Variants in FNDC3A observed in about 807,000 individuals in gnomAD.
FNDC3A encodes the protein fibronectin type-III domain-containing protein 3A.
Under a neutral mutation model 148.9 loss-of-function variants are expected in FNDC3A, and 32 were observed. The ratio of observed to expected loss-of-function variants is 0.21; its 90% confidence interval spans 0.16 to 0.29. The LOEUF (loss-of-function observed/expected upper bound fraction) is 0.29, where lower values mean the gene tolerates loss of function less well. FNDC3A is among the 10% of genes least tolerant of loss of function. The pLI, the probability that FNDC3A is intolerant of heterozygous loss-of-function variation, is 1.00. For synonymous variants in FNDC3A, 472 were observed against 473.6 expected, an observed-to-expected ratio of 1.00 and a Z score of 0.04; for missense variants, 1,191 against 1,452.8, an observed-to-expected ratio of 0.82 and a Z score of 2.93.
intron 1 of FNDC3A, among the ~76,000 whole-genome samples, chr13:48,983,903 G>A (rs1055760106): frequency 6.6e-6 from 1 of 151,806 alleles, no homozygotes; most frequent in Non-Finnish European, 1.5e-5. Flanking sequence ...AATAAAGGGG[G>A]GAAATGTATC....
intron 2 of FNDC3A, among the ~76,000 whole-genome samples, chr13:49,073,992 A>C (rs1051591175): frequency 1.3e-5 from 2 of 151,850 alleles, no homozygotes; most frequent in Non-Finnish European, 2.9e-5. Context: ...AAGATTTTAA[A>C]ACTGTAATTT....
intron 1 of FNDC3A, among the ~76,000 whole-genome samples, chr13:48,989,423 T>TA (rs1357292666): frequency 1.3e-5 from 2 of 152,202 alleles, no homozygotes; most frequent in Non-Finnish European, 2.9e-5. Flanking sequence ...TTAAAACAGT[T>TA]ATGACTGTTG....
At chr13:49,150,380 C>A (rs1883220391) in intron 8 of FNDC3A, among the ~76,000 whole-genome samples, 1 of 152,140 alleles carries the variant, frequency 6.6e-6, no homozygotes. Context: ...ACTCTTTAAG[C>A]TTTTTAATGT....
At chr13:49,032,935 A>G in intron 2 of FNDC3A, among the ~76,000 whole-genome samples, 1 of 152,148 alleles carries the variant, frequency 6.6e-6, no homozygotes, top group Admixed American at 6.5e-5. Flanking sequence ...ATATGTTTAT[A>G]TAATTTAAAT....
intron 11 of FNDC3A, among the ~76,000 whole-genome samples, chr13:49,172,678 A>G (rs1209419742): frequency 1.3e-5 from 2 of 152,138 alleles, no homozygotes; most frequent in African/African-American, 4.8e-5. Context: ...AGGAACACTT[A>G]TGATTCCATG....
chr13:48,989,305 A>G (rs575664625), intron 1 of FNDC3A, among the ~76,000 whole-genome samples: 1 of 152,344 alleles, frequency 6.6e-6, no homozygotes, highest in South Asian at 2.1e-4. Context: ...AGTATCTTAC[A>G]TGCAGTTCAA....
intron 1 of FNDC3A, among the ~76,000 whole-genome samples, chr13:48,978,892 C>T (rs901761477): frequency 6.6e-6 from 1 of 152,102 alleles, no homozygotes; most frequent in African/African-American, 2.4e-5. Flanking sequence ...AAATTTTGTA[C>T]TTTTACATGT....
intron 3 of FNDC3A, chr13:49,110,514 G>T: frequency 3.8e-6 from 3 of 783,204 alleles, no homozygotes; most frequent in South Asian, 1.5e-5. Flanking sequence ...AAATATCATC[G>T]CCATAAAATA....
intron 2 of FNDC3A, among the ~76,000 whole-genome samples, chr13:49,065,506 G>C (rs1877206577): frequency 6.6e-6 from 1 of 152,150 alleles, no homozygotes; most frequent in Non-Finnish European, 1.5e-5. Flanking sequence ...ATCTGCAAGA[G>C]GATGGGTTCT....
chr13:49,078,865 GAAACATA>G (rs1878288472), intron 3 of FNDC3A, among the ~76,000 whole-genome samples: 3 of 152,190 alleles, frequency 2.0e-5, no homozygotes, highest in Admixed American at 2.0e-4. Flanking sequence ...GAAGTGGAGA[GAAACATA>G]GATCATTATA....
chr13:49,102,942 A>C (rs1001785371), intron 3 of FNDC3A, among the ~76,000 whole-genome samples: 7 of 152,206 alleles, frequency 4.6e-5, no homozygotes, highest in African/African-American at 1.7e-4. Flanking sequence ...TAATATTTTA[A>C]CATATTAACT....
At chr13:48,980,384 G>C (rs1216387527) in intron 1 of FNDC3A, among the ~76,000 whole-genome samples, 1 of 152,054 alleles carries the variant, frequency 6.6e-6, no homozygotes, top group African/African-American at 2.4e-5. Context: ...AAGTAGTCTA[G>C]GATGAGTTAA....
chr13:49,174,082 C>A (rs1226151443), intron 11 of FNDC3A, among the ~76,000 whole-genome samples: 1 of 152,078 alleles, frequency 6.6e-6, no homozygotes, highest in Non-Finnish European at 1.5e-5. Context: ...TTGAAAAAAG[C>A]CGCCAGTTGA....
At chr13:49,088,232 G>GT (rs1467206368) in intron 3 of FNDC3A, among the ~76,000 whole-genome samples, 1 of 152,104 alleles carries the variant, frequency 6.6e-6, no homozygotes, top group Non-Finnish European at 1.5e-5. Context: ...TGTTAATTGA[G>GT]TAAATGATCC....
In FNDC3A at chr13:49,145,788, T is replaced by C; in HGVS notation, c.830T>C (p.Ile277Thr). The C allele has an allele frequency of 6.2e-7, 1 of 1,613,690 alleles. No homozygotes were observed. Among genetic ancestry groups the C allele is most frequent in the South Asian group, 1.1e-5 (1 of 90,976 alleles). ...GTTGTATTTTTACAGGCCTCCGACA[T>C]CCAGGCAAGGACAGTAGTACTTACC... ...SNIVKPVASDIQARTVVLTWS... is the reference protein window; with the variant it reads ...SNIVKPVASDTQARTVVLTWS... The change falls in exon 8 of 26, where the codon ATC (isoleucine) becomes ACC (threonine). Residue 277 changes from isoleucine (I) to threonine (T), a missense_variant. This residue lies in a region of FNDC3A where 426 missense variants were observed against 473.2 expected (regional missense o/e 0.90). Coordinates refer to ENST00000492622, the MANE Select transcript of FNDC3A (RefSeq NM_001079673.2).
intron 5 of FNDC3A, among the ~76,000 whole-genome samples, chr13:49,134,688 A>G (rs942640332): frequency 2.0e-5 from 3 of 151,554 alleles, no homozygotes; most frequent in Non-Finnish European, 4.4e-5. Context: ...TTTTGATTGT[A>G]GGCATCCTGA....
intron 1 of FNDC3A, among the ~76,000 whole-genome samples, chr13:48,988,782 C>T (rs1951852667): frequency 6.6e-6 from 1 of 151,144 alleles, no homozygotes; most frequent in Admixed American, 6.6e-5. Flanking sequence ...GCCCAGGAGC[C>T]TGCAGTGGGC....
intron 2 of FNDC3A, among the ~76,000 whole-genome samples, chr13:49,022,563 C>G (rs1041961788): frequency 6.6e-6 from 1 of 152,012 alleles, no homozygotes; most frequent in Non-Finnish European, 1.5e-5. Context: ...AAACATAAAC[C>G]TTAGGAATGA....
In FNDC3A at chr13:49,187,442, G is replaced by A. The variant is rs1039976478; in HGVS notation, c.1825+252G>A. The A allele has an allele frequency of 9.7e-6, 12 of 1,233,136 alleles. No individual in the cohort carries two copies. In the African/African-American group the frequency reaches 1.7e-4, roughly 17 times the overall value. 76.4% of individuals were successfully genotyped at this position (1,233,136 alleles called of 1,614,324 possible). A position where few individuals can be genotyped will look rare whatever the true frequency, so the allele number is the denominator to read the frequency against. Reference sequence around the variant, plus strand: ...TTCCAGAGGCTGTACCTCTTAAAATGCTCTTCATATCTGTTAATGGATGAA... The same window carrying A: ...TTCCAGAGGCTGTACCTCTTAAAATACTCTTCATATCTGTTAATGGATGAA... On this transcript the variant is annotated intron_variant, in intron 16 of 25. Transcript: ENST00000492622.
Sources: gnomAD v4.1 joint callset for allele counts (sites outside exome capture counted in the v4.1 genomes callset) on GRCh38, gnomAD v4.1.1 for gene constraint, gnomAD v4.1.1 regional missense constraint, MANE v1.5 for transcripts, NCBI Gene and HGNC (gene_info 2026-07-23, HGNC 2026-07-21) for gene names.